MPRIP: variants seen among roughly 807,000 people sequenced by gnomAD.
The protein encoded by MPRIP is myosin phosphatase Rho-interacting protein.
A neutral mutation model predicts 234.9 loss-of-function variants in MPRIP; 59 were observed. The observed-to-expected ratio is 0.25, with a 90% CI of 0.20 to 0.31. The LOEUF is 0.31. Ranked by LOEUF, MPRIP falls within the 10% of genes least tolerant of loss-of-function variation. MPRIP has a pLI of 1.00. For missense variants in MPRIP, 2,436 were observed against 3,071.0 expected (o/e 0.79, Z 4.89); for synonymous variants, 1,144 against 1,263.9 (o/e 0.91, Z 2.01).
Position 17,150,093 on chromosome 17 carries a change from C to T in MPRIP, c.1630-51C>T, listed in dbSNP as rs953685348. The T allele has an allele frequency of 4.4e-6, 6 of 1,360,972 alleles. No individual in the cohort carries two copies. The Admixed American group carries it at 6.8e-5, about 16-fold the overall frequency. The allele number at this position is 1,360,972 out of a possible 1,614,324, so 84.3% of individuals were successfully genotyped here. On this transcript the variant is annotated intron_variant, in intron 11 of 23. Transcript: ENST00000651222. ...ACTTACGGAAATTTGCTCATCTAGG[C>T]ATTGGTTCTACTTCCTAAAAATCTC...
intron 3 of MPRIP, among the ~76,000 whole-genome samples, chr17:17,099,973 A>C (rs1195753516): frequency 6.6e-6 from 1 of 152,178 alleles, no homozygotes; most frequent in Admixed American, 6.5e-5. Flanking sequence ...GGACATCTCC[A>C]CCTGATGTCA....
At chr17:17,061,763 G>A (rs972717337) in intron 1 of MPRIP, among the ~76,000 whole-genome samples, 4 of 152,146 alleles carry the variant, frequency 2.6e-5, no homozygotes, top group Non-Finnish European at 4.4e-5. Flanking sequence ...GGGTTTGGGT[G>A]CCTGCCCCAC....
rs918770756 is a variant in MPRIP, at chr17:17,185,305, T to C, written c.*411T>C. On this transcript the variant is annotated 3_prime_UTR_variant, in exon 24 of 24. Transcript: ENST00000651222. ...GCCTCAAGGTAGATGGAATCCCCAC[T>C]GGTCAGAGAAAAAGCTATGCGGACA... The C allele has an allele frequency of 1.7e-5, 6 of 353,004 alleles. No individual in the cohort carries two copies. The highest frequency in any genetic ancestry group is 3.3e-5 in the Non-Finnish European group (6 of 179,178). 21.9% of individuals were successfully genotyped at this position (353,004 alleles called of 1,614,324 possible).
At chr17:17,110,422 G>T (rs1641688276) in intron 3 of MPRIP, among the ~76,000 whole-genome samples, 1 of 152,220 alleles carries the variant, frequency 6.6e-6, no homozygotes, top group Non-Finnish European at 1.5e-5. Flanking sequence ...AAATCATTTA[G>T]TAAAGAAATA....
At chr17:17,111,087 T>C (rs76919719) in intron 3 of MPRIP, among the ~76,000 whole-genome samples, 6,767 of 151,500 alleles carry the variant, frequency 0.045, 475 homozygotes, top group African/African-American at 0.14. Flanking sequence ...CACACACTCT[T>C]GTCTTCTTTT....
chr17:17,154,846 G>C (rs574417007), intron 13 of MPRIP, among the ~76,000 whole-genome samples: 292 of 149,990 alleles, frequency 1.9e-3, no homozygotes, highest in African/African-American at 6.6e-3. Context: ...TCACTCCTAC[G>C]TCTGTTTGAT....
chr17:17,078,052 C>T lies in MPRIP; in HGVS notation c.243C>T (p.Leu81=). The T allele has an allele frequency of 6.2e-7, 1 of 1,614,212 alleles. No homozygotes were observed. Among genetic ancestry groups the T allele is most frequent in the South Asian group, 1.1e-5 (1 of 91,084 alleles). ...TCTTCATCCTTTACGAGCACGGCCT[C>T]TTGCGCTACGCCCTGGATGAGATGG... ...RRFFILYEHG[L]LRYALDEMPT... The change falls in exon 3 of 24, where the codon CTC becomes CTT. Residue 81 remains leucine (L), a synonymous_variant. Coordinates refer to ENST00000651222, the MANE Select transcript of MPRIP (RefSeq NM_001364716.4). The surrounding 1 kb of genome is among the most constrained non-coding windows in gnomAD (Gnocchi z 4.3).
In MPRIP at chr17:17,164,136, G is replaced by C; in HGVS notation, c.2545G>C (p.Ala849Pro). 7.7e-7 allele frequency: 1 copy of C among 1,304,220 alleles called. No individual in the cohort carries two copies. 80.8% of individuals were successfully genotyped at this position (1,304,220 alleles called of 1,614,324 possible). A position where few individuals can be genotyped will look rare whatever the true frequency, so the allele number is the denominator to read the frequency against. Reference sequence around the variant, plus strand: ...TGAAGTGGCCGCCTCCCCATCGGGTGCCTGGCAGAGGCTCCATAGAGTCAA... The same window carrying C: ...TGAAGTGGCCGCCTCCCCATCGGGTCCCTGGCAGAGGCTCCATAGAGTCAA... ...QTEVAASPSG[A>P]WQRLHRVNQD... The change falls in exon 16 of 24, where the codon GCC becomes CCC. Residue 849 changes from alanine to proline, a missense_variant. Ala to Pro is a conservative substitution (Grantham distance 27). Coordinates refer to ENST00000651222, the MANE Select transcript of MPRIP (RefSeq NM_001364716.4).
chr17:17,150,199 A>T lies in MPRIP; in HGVS notation c.1685A>T (p.Tyr562Phe). Residue 562 changes from tyrosine to phenylalanine, a missense_variant, in exon 12 of 24, where the codon TAT becomes TTT. Around this residue, in one of 4 missense-constraint regions of MPRIP, gnomAD observed 1,998 missense variants for 2,520.3 expected, o/e 0.79. Coordinates refer to ENST00000651222, the MANE Select transcript of MPRIP (RefSeq NM_001364716.4). ...TCCGCATGTTACGATGTCACAGAGT[A>T]TCCAGTTCAGAGAAACTATGGCTTC... ...DLSACYDVTE[Y>F]PVQRNYGFQI... The T allele has an allele frequency of 6.2e-7, 1 of 1,613,798 alleles. No homozygotes were observed. The highest frequency in any genetic ancestry group is 8.5e-7 in the Non-Finnish European group (1 of 1,179,848).
At chr17:17,113,608 G>T (rs918904191) in intron 3 of MPRIP, among the ~76,000 whole-genome samples, 8 of 152,160 alleles carry the variant, frequency 5.3e-5, no homozygotes, top group Non-Finnish European at 1.0e-4. Flanking sequence ...ATGGTACGTG[G>T]GTGTACAAAT....
At position 17,121,568 on chromosome 17, in the gene MPRIP, G is replaced by A. The variant is rs182913454; in HGVS notation, c.268-5134G>A. On this transcript the variant is annotated intron_variant, in intron 3 of 23. Coordinates refer to ENST00000651222, the MANE Select transcript of MPRIP (RefSeq NM_001364716.4). ...AAACATGAGCACCATTGTGCCCTGC[G>A]CCTGTGCTGGTGCTGTTGTTGCTGC... 8.6e-4 allele frequency among the ~76,000 whole-genome samples: 131 copies of A among 152,358 alleles called. 1 individual carries two copies. Among genetic ancestry groups the A allele is most frequent in the African/African-American group, 3.0e-3 (124 of 41,592 alleles).
intron 23 of MPRIP, chr17:17,182,982 G>A (rs1462175413): frequency 6.6e-6 from 1 of 152,450 alleles, no homozygotes; most frequent in African/African-American, 2.4e-5. Flanking sequence ...GTCTACCCAG[G>A]TCCTCTGCAA....
At chr17:17,177,453 G>C (rs200188609) in intron 22 of MPRIP, 41 bp downstream of exon 22, 2 of 1,595,254 alleles carry the variant, frequency 1.3e-6, no homozygotes, top group Non-Finnish European at 1.7e-6. Context: ...TTGCTGGGGG[G>C]CTTATGGGGG....
intron 3 of MPRIP, among the ~76,000 whole-genome samples, chr17:17,117,547 T>G (rs923584880): frequency 6.6e-6 from 1 of 152,258 alleles, no homozygotes; most frequent in Non-Finnish European, 1.5e-5. Flanking sequence ...GATTTCATTC[T>G]TTTTATGGCT....
At chr17:17,131,107 C>T (rs968971250) in intron 4 of MPRIP, among the ~76,000 whole-genome samples, 2 of 152,190 alleles carry the variant, frequency 1.3e-5, no homozygotes, top group Non-Finnish European at 2.9e-5. Context: ...CCCAGCCTTC[C>T]TCAAAGCCAG....
At chr17:17,105,491 G>A (rs748922628) in intron 3 of MPRIP, among the ~76,000 whole-genome samples, 1 of 152,220 alleles carries the variant, frequency 6.6e-6, no homozygotes. Context: ...CCCCTAAGAA[G>A]GAGGTAGAGG....
At chr17:17,071,320 G>GT (rs149792477) in intron 1 of MPRIP, among the ~76,000 whole-genome samples, 6,792 of 151,902 alleles carry the variant, frequency 0.045, 472 homozygotes, top group African/African-American at 0.14. Context: ...TTTTGTTGTT[G>GT]TTTTTTTTGG....
chr17:17,177,925 A>ATTTT (rs35154903), intron 22 of MPRIP, among the ~76,000 whole-genome samples: 1 of 127,262 alleles, frequency 7.9e-6, no homozygotes, highest in Admixed American at 8.1e-5. Context: ...CTCATACGTA[A>ATTTT]TTTTTTTTTT....
Position 17,185,373 on chromosome 17 carries a change from A to C in MPRIP, c.*479A>C, listed in dbSNP as rs2046456761. 1.5e-5 allele frequency: 6 copies of C among 395,376 alleles called. No individual in the cohort carries two copies. The highest frequency in any genetic ancestry group is 1.1e-4 in the South Asian group (6 of 53,176). The allele number at this position is 395,376 out of a possible 1,614,324, so 24.5% of individuals were successfully genotyped here. ...TCACAGCACTGACTCCTCACCCGCT[A>C]GTCTGGCTGTTAAGAGGAGAAAGTG... is the stretch of plus-strand genomic sequence containing the variant. On this transcript the variant is annotated 3_prime_UTR_variant, in exon 24 of 24. Coordinates refer to ENST00000651222, the MANE Select transcript of MPRIP (RefSeq NM_001364716.4).
Sources: allele counts gnomAD v4.1 joint callset (sites outside exome capture counted in the v4.1 genomes callset), GRCh38; gene constraint gnomAD v4.1.1; regional missense constraint gnomAD v4.1.1; non-coding constraint Gnocchi (gnomAD v3.1); transcripts MANE v1.5; gene names NCBI Gene and HGNC (gene_info 2026-07-23, HGNC 2026-07-21).